MMP9: variants seen among roughly 807,000 people sequenced by gnomAD.
MMP9 encodes matrix metalloproteinase-9.
MMP9 carries 73 observed loss-of-function variants against 76.4 expected under a neutral mutation model. That is an observed-to-expected ratio of 0.96 (90% confidence interval 0.79 to 1.16). MMP9 has a LOEUF of 1.16. MMP9 is among the 50% of genes most tolerant of loss of function. MMP9 has a pLI of 0.00. For missense variants in MMP9, 943 were observed against 973.0 expected (o/e 0.97, Z 0.41); for synonymous variants, 412 against 408.4 (o/e 1.01, Z -0.11).
intron 12 of MMP9, 90 bp from the exon 13 acceptor site, chr20:46,016,160 C>G: frequency 8.2e-7 from 1 of 1,220,604 alleles, no homozygotes; most frequent in Non-Finnish European, 1.2e-6. Context: ...CTAGAAATGG[C>G]AGAAGAGATG....
In MMP9 at chr20:46,014,193, G is replaced by A; in HGVS notation, c.1820G>A (p.Gly607Glu). 6.5e-7 allele frequency: 1 copy of A among 1,539,384 alleles called. No homozygotes were observed. Among genetic ancestry groups the A allele is most frequent in the Non-Finnish European group, 8.7e-7 (1 of 1,145,510 alleles). The change falls in exon 11 of 13, where the codon GGA becomes GAA. Residue 607 changes from glycine (G) to glutamate (E), a missense_variant. By Grantham distance (98) the Gly-to-Glu change is moderately conservative. Coordinates refer to ENST00000372330, the MANE Select transcript of MMP9 (RefSeq NM_004994.3). ...AGGCGTCTGGACAAGCTGGGCCTGG[G>A]AGCCGACGTGGCCCAGGTGACCGGG... The part of the protein sequence containing the change: ...GPRRLDKLGL[G>E]ADVAQVTGAL...
rs2145457030 is a variant in MMP9 at position 46,014,493 on chromosome 20, C to T, written c.2005+19C>T. On this transcript the variant is annotated intron_variant, in intron 12 of 12. Coordinates refer to ENST00000372330, the MANE Select transcript of MMP9 (RefSeq NM_004994.3). ...TACCGAGGTGAGGGCTGAGGAGGATCCCTTCGTGAGACACCACACTAAGCT... is the reference window on the plus strand; with the variant it reads ...TACCGAGGTGAGGGCTGAGGAGGATTCCTTCGTGAGACACCACACTAAGCT... The T allele has an allele frequency of 1.3e-6, 2 of 1,546,380 alleles. No individual in the cohort carries two copies. The highest frequency in any genetic ancestry group is 1.7e-6 in the Non-Finnish European group (2 of 1,144,876).
In MMP9 at chr20:46,013,763, G is replaced by A. The variant is rs754829019; in HGVS notation, c.1717G>A (p.Glu573Lys). The change falls in exon 10 of 13, where the codon GAG becomes AAG. Residue 573 changes from glutamate to lysine, a missense_variant. Coordinates refer to ENST00000372330, the MANE Select transcript of MMP9 (RefSeq NM_004994.3). The surrounding 1 kb of genome is among the most constrained non-coding windows in gnomAD (Gnocchi z 4.5). Reference protein sequence around the residue: ...LPRKLDSVFEERLSKKLFFFS... With the variant: ...LPRKLDSVFEKRLSKKLFFFS... ...CCGCAAGCTGGACTCGGTCTTTGAG[G>A]AGCGGCTCTCCAAGAAGCTTTTCTT... The A allele has an allele frequency of 1.9e-6, 3 of 1,613,602 alleles. No individual in the cohort carries two copies. Among genetic ancestry groups the A allele is most frequent in the South Asian group, 2.2e-5 (2 of 91,068 alleles).
At chr20:46,014,341 A>G (rs2084306000) in intron 11 of MMP9, 30 bp from the exon 12 acceptor site, 2 of 1,544,286 alleles carry the variant, frequency 1.3e-6, no homozygotes, top group South Asian at 1.2e-5. Context: ...TAGCCGGCTC[A>G]GCACCTGTCT....
intron 2 of MMP9, 59 bp downstream of exon 2, chr20:46,010,157 G>T: frequency 6.9e-7 from 1 of 1,454,182 alleles, no homozygotes; most frequent in Non-Finnish European, 9.3e-7. Context: ...TGGCTCTTGG[G>T]CCAGCGGTGA....
chr20:46,010,332 A>AAAAAAAAAAAAAC (rs1555856978), intron 2 of MMP9, 151 bp from the exon 3 acceptor site: 5 of 772,962 alleles, frequency 6.5e-6, no homozygotes, highest in African/African-American at 5.5e-5. Flanking sequence ...AAAAAAAAAA[A>AAAAAAAAAAAAAC]AAAAAAAAAC....
rs1275453954 is a variant in MMP9, at chr20:46,009,872, C to T, written c.145C>T (p.Leu49=). The part of the protein sequence containing the change: ...LTDRQLAEEY[L]YRYGYTRVAE... ...TGTGTCCCTTCATCCACAGGAATAC[C>T]TGTACCGCTATGGTTACACTCGGGT... The change falls in exon 2 of 13, where the codon CTG becomes TTG. Residue 49 remains leucine (L), a synonymous_variant. Coordinates refer to ENST00000372330, the MANE Select transcript of MMP9 (RefSeq NM_004994.3). 3 of 1,551,856 alleles carry T rather than the reference C, an allele frequency of 1.9e-6. No individual in the cohort carries two copies. Among genetic ancestry groups the T allele is most frequent in the Admixed American group, 2.0e-5 (1 of 51,024 alleles).
At chr20:46,010,341 A>AAAAAAAAAAAAAAAT in intron 2 of MMP9, 142 bp from the exon 3 acceptor site, 1 of 916,640 alleles carries the variant, frequency 1.1e-6, no homozygotes. Context: ...AAAAAAAAAA[A>AAAAAAAAAAAAAAAT]CAGTCTGGAA....
intron 2 of MMP9, 51 bp downstream of exon 2, chr20:46,010,149 G>A: frequency 6.8e-7 from 1 of 1,481,436 alleles, no homozygotes; most frequent in Non-Finnish European, 9.2e-7. Flanking sequence ...GCCAGGTCTG[G>A]CTCTTGGGCC....
intron 1 of MMP9, among the ~76,000 whole-genome samples, chr20:46,009,594 C>T (rs2145450484): frequency 6.6e-6 from 1 of 151,964 alleles, no homozygotes; most frequent in East Asian, 1.9e-4. Context: ...TGAGCCCAGC[C>T]TAGGCAACAT....
At position 46,013,993 on chromosome 20, in the gene MMP9, C is replaced by T; in HGVS notation, c.1751-131C>T. 6.9e-7 allele frequency: 1 copy of T among 1,453,934 alleles called. No homozygotes were observed. The highest frequency in any genetic ancestry group is 9.2e-7 in the Non-Finnish European group (1 of 1,081,928). The allele number at this position is 1,453,934 out of a possible 1,614,324, so 90.1% of individuals were successfully genotyped here. A position where few individuals can be genotyped will look rare whatever the true frequency, so the allele number is the denominator to read the frequency against. On this transcript the variant is annotated intron_variant, in intron 10 of 12. Coordinates refer to ENST00000372330, the MANE Select transcript of MMP9 (RefSeq NM_004994.3). The surrounding 1 kb of genome is among the most constrained non-coding windows in gnomAD (Gnocchi z 4.5). The stretch of plus-strand genomic sequence containing the variant: ...GCCCTCGCGTCGCTCTACCCAGCGC[C>T]TCTGCCCCTGGGTTGCAGGGACTGC...
chr20:46,010,848 C>T, intron 3 of MMP9, 74 bp from the exon 4 acceptor site: 1 of 1,612,538 alleles, frequency 6.2e-7, no homozygotes, highest in East Asian at 2.2e-5. Context: ...TATTTCGGAG[C>T]CCTTGCCTTG....
chr20:46,010,614 T>C lies in MMP9; in HGVS notation c.503T>C (p.Ile168Thr), dbSNP rs1237824635. 2.5e-6 allele frequency: 4 copies of C among 1,613,808 alleles called. No individual in the cohort carries two copies. The highest frequency in any genetic ancestry group is 1.1e-5 in the South Asian group (1 of 91,032). The change falls in exon 3 of 13, where the codon ATC (isoleucine) becomes ACC (threonine). Residue 168 changes from isoleucine (I) to threonine (T), a missense_variant. By Grantham distance (89) the Ile-to-Thr change is moderately conservative. Coordinates refer to ENST00000372330, the MANE Select transcript of MMP9 (RefSeq NM_004994.3). ...TACAGCCGGGACGCAGACATCGTCA[T>C]CCAGTTTGGTGTCGCGGGTGAGAAC... ...RVYSRDADIVIQFGVAEHGDG... is the reference protein window; with the variant it reads ...RVYSRDADIVTQFGVAEHGDG...
At position 46,011,554 on chromosome 20, in the gene MMP9, C is replaced by T; in HGVS notation, c.824-20C>T. 6.2e-7 allele frequency: 1 copy of T among 1,614,030 alleles called. No individual in the cohort carries two copies. On this transcript the variant is annotated intron_variant, in intron 5 of 12. Transcript: ENST00000372330. ...GCTGTCTCCGCCTTCTCCCCCTTTC[C>T]CACATCCTCCTCGCCCCAGGACTCT...
chr20:46,011,168 A>G lies in MMP9; in HGVS notation c.675A>G (p.Ala225=), dbSNP rs1439113639. ...TGGTTCCAACTCGGTTTGGAAACGCAGATGGCGCGGCCTGCCACTTCCCCT... is the reference window on the plus strand; with the variant it reads ...TGGTTCCAACTCGGTTTGGAAACGCGGATGGCGCGGCCTGCCACTTCCCCT... The part of the protein sequence containing the change: ...GVVVPTRFGN[A]DGAACHFPFI... Residue 225 remains alanine (A), a synonymous_variant, in exon 5 of 13, where the codon GCA becomes GCG. Transcript: ENST00000372330. The G allele has an allele frequency of 6.2e-7, 1 of 1,614,038 alleles. No homozygotes were observed. Among genetic ancestry groups the G allele is most frequent in the African/African-American group, 1.3e-5 (1 of 74,940 alleles).
In MMP9 at chr20:46,012,456, G is replaced by C. The variant is rs1430059719; in HGVS notation, c.1204G>C (p.Glu402Gln). The change falls in exon 8 of 13, where the codon GAG becomes CAG. Residue 402 changes from glutamate to glutamine, a missense_variant. Transcript: ENST00000372330. ...GYSLFLVAAH[E>Q]FGHALGLDHS... ...CAGTTTGTTCCTCGTGGCGGCGCATGAGTTCGGCCACGCGCTGGGCTTAGA... is the reference window on the plus strand; with the variant it reads ...CAGTTTGTTCCTCGTGGCGGCGCATCAGTTCGGCCACGCGCTGGGCTTAGA... 4 of 1,614,158 alleles carry C rather than the reference G, an allele frequency of 2.5e-6. No homozygotes were observed. The highest frequency in any genetic ancestry group is 3.4e-6 in the Non-Finnish European group (4 of 1,179,994).
chr20:46,014,041 C>A lies in MMP9; in HGVS notation c.1751-83C>A, dbSNP rs2084302892. On this transcript the variant is annotated intron_variant, in intron 10 of 12. Transcript: ENST00000372330. ...TGCGGGCACGCGGGCTAGGAAAGGCCTCGCCGGAATCTCCCTCCTCGCGTT... is the reference window on the plus strand; with the variant it reads ...TGCGGGCACGCGGGCTAGGAAAGGCATCGCCGGAATCTCCCTCCTCGCGTT... 2.0e-6 allele frequency: 3 copies of A among 1,524,084 alleles called. No homozygotes were observed. The Admixed American group carries it at 5.9e-5, about 30-fold the overall frequency. The allele number at this position is 1,524,084 out of a possible 1,614,324, so 94.4% of individuals were successfully genotyped here. A position where few individuals can be genotyped will look rare whatever the true frequency, so the allele number is the denominator to read the frequency against.
At position 46,010,053 on chromosome 20, in the gene MMP9, C is replaced by G; in HGVS notation, c.326C>G (p.Thr109Ser). The G allele has an allele frequency of 3.2e-6, 5 of 1,551,014 alleles. No individual in the cohort carries two copies. The highest frequency in any genetic ancestry group is 4.4e-6 in the Non-Finnish European group (5 of 1,146,874). Residue 109 changes from threonine to serine, a missense_variant, in exon 2 of 13, where the codon ACC becomes AGC. Coordinates refer to ENST00000372330, the MANE Select transcript of MMP9 (RefSeq NM_004994.3). Reference sequence around the variant, plus strand: ...GTCCCAGACCTGGGCAGATTCCAAACCTTTGAGGGCGACCTCAAGTGGCAC... The same window carrying G: ...GTCCCAGACCTGGGCAGATTCCAAAGCTTTGAGGGCGACCTCAAGTGGCAC... ...CGVPDLGRFQ[T>S]FEGDLKWHHH... is the part of the protein sequence containing the mutation.
intron 10 of MMP9, 69 bp from the exon 11 acceptor site, chr20:46,014,055 C>T: frequency 6.5e-7 from 1 of 1,529,284 alleles, no homozygotes; most frequent in East Asian, 2.5e-5. Flanking sequence ...CCGGAATCTC[C>T]CTCCTCGCGT....
Sources: gnomAD v4.1 joint callset for allele counts (sites outside exome capture counted in the v4.1 genomes callset) on GRCh38, gnomAD v4.1.1 for gene constraint, Gnocchi (gnomAD v3.1) non-coding constraint, MANE v1.5 for transcripts, NCBI Gene and HGNC (gene_info 2026-07-23, HGNC 2026-07-21) for gene names.